KAZN: variants seen among roughly 807,000 people sequenced by gnomAD.
KAZN encodes kazrin, periplakin interacting protein.
KAZN carries 40 observed loss-of-function variants against 87.4 expected under a neutral mutation model. That is an observed-to-expected ratio of 0.46 (90% confidence interval 0.36 to 0.60). KAZN has a LOEUF of 0.60. Among genes scored for constraint, KAZN ranks in the 20% least tolerant of loss-of-function variants. The pLI, the probability that KAZN is intolerant of heterozygous loss-of-function variation, is 0.00. For synonymous variants in KAZN, 466 were observed against 458.3 expected, an observed-to-expected ratio of 1.02 and a Z score of -0.22; for missense variants, 898 against 1,073.9, an observed-to-expected ratio of 0.84 and a Z score of 2.29.
intron 1 of KAZN, among the ~76,000 whole-genome samples, chr1:14,803,364 A>G (rs554297119): frequency 1.3e-5 from 2 of 152,232 alleles, no homozygotes; most frequent in East Asian, 3.9e-4. Context: ...GCCAGACCCG[A>G]CTGTCCCTCC....
intron 2 of KAZN, among the ~76,000 whole-genome samples, chr1:14,498,638 G>A (rs1670079051): frequency 6.6e-6 from 1 of 152,156 alleles, no homozygotes; most frequent in Non-Finnish European, 1.5e-5. Flanking sequence ...GTTGCAGTGA[G>A]CTGAGATCAG....
intron 2 of KAZN, among the ~76,000 whole-genome samples, chr1:15,008,694 C>T (rs1236935822): frequency 6.6e-6 from 1 of 152,160 alleles, no homozygotes; most frequent in Non-Finnish European, 1.5e-5. Flanking sequence ...TAGCTTGTCC[C>T]GTCTGCCTTC....
chr1:14,834,662 AAAC>A, intron 1 of KAZN, among the ~76,000 whole-genome samples: 1 of 152,288 alleles, frequency 6.6e-6, no homozygotes, highest in Non-Finnish European at 1.5e-5. Context: ...CGCCCAGCTG[AAAC>A]AACATCATTT....
At chr1:14,372,420 G>A (rs1020951966) in intron 2 of KAZN, among the ~76,000 whole-genome samples, 1 of 152,184 alleles carries the variant, frequency 6.6e-6, no homozygotes, top group Admixed American at 6.5e-5. Context: ...TCGTGCTAGT[G>A]ACAGGCATTT....
At chr1:14,707,056 A>G (rs990443366) in intron 1 of KAZN, among the ~76,000 whole-genome samples, 1 of 152,188 alleles carries the variant, frequency 6.6e-6, no homozygotes, top group African/African-American at 2.4e-5. Context: ...TCTAAAGTCT[A>G]GTTCTCCTTC....
At chr1:14,990,228 T>G (rs998321802) in intron 2 of KAZN, among the ~76,000 whole-genome samples, 6 of 152,268 alleles carry the variant, frequency 3.9e-5, no homozygotes, top group Admixed American at 6.5e-5. Context: ...TTGTTTGTTT[T>G]TTGTTTTTTT....
At chr1:14,988,093 G>T (rs1055385215) in intron 2 of KAZN, among the ~76,000 whole-genome samples, 1 of 152,206 alleles carries the variant, frequency 6.6e-6, no homozygotes, top group Non-Finnish European at 1.5e-5. Context: ...GGGGTGCAGG[G>T]TGGAAGCAGG....
chr1:13,947,989 T>G (rs1407970192), intron 1 of KAZN, among the ~76,000 whole-genome samples: 1 of 152,154 alleles, frequency 6.6e-6, no homozygotes, highest in African/African-American at 2.4e-5. Flanking sequence ...ATATGAATTT[T>G]GGGGGGATAC....
At chr1:14,495,808 A>T (rs1669910820) in intron 2 of KAZN, among the ~76,000 whole-genome samples, 2 of 152,276 alleles carry the variant, frequency 1.3e-5, no homozygotes, top group South Asian at 4.2e-4. Flanking sequence ...AATTGCCTTC[A>T]GGTCTTGCCA....
chr1:14,505,004 C>A (rs1319810334), intron 2 of KAZN, among the ~76,000 whole-genome samples: 1 of 152,178 alleles, frequency 6.6e-6, no homozygotes. Context: ...GAAGCAAATA[C>A]CACCGAAAAG....
At chr1:14,205,548 C>T (rs1438589387) in intron 2 of KAZN, among the ~76,000 whole-genome samples, 3 of 152,018 alleles carry the variant, frequency 2.0e-5, no homozygotes, top group Non-Finnish European at 2.9e-5. Flanking sequence ...ACAGGATTTT[C>T]TGTATAGCCA....
chr1:14,818,707 C>G (rs1347586385), intron 1 of KAZN, among the ~76,000 whole-genome samples: 1 of 152,188 alleles, frequency 6.6e-6, no homozygotes, highest in African/African-American at 2.4e-5. Context: ...GGATGCATTC[C>G]TTGCAGGTCA....
intron 2 of KAZN, among the ~76,000 whole-genome samples, chr1:14,478,158 A>G (rs10492984): frequency 0.034 from 5,162 of 152,054 alleles, 237 homozygotes; most frequent in East Asian, 0.18. Flanking sequence ...GGACAAGAAA[A>G]ATCCCTAGGA....
At chr1:14,509,745 G>A (rs568878481) in intron 2 of KAZN, among the ~76,000 whole-genome samples, 1 of 152,162 alleles carries the variant, frequency 6.6e-6, no homozygotes, top group South Asian at 2.1e-4. Context: ...GCAAGCAGAT[G>A]AAAAATAAAT....
At chr1:14,965,385 G>T (rs1020333556) in intron 2 of KAZN, among the ~76,000 whole-genome samples, 2 of 152,146 alleles carry the variant, frequency 1.3e-5, no homozygotes, top group African/African-American at 2.4e-5. Flanking sequence ...TAAGCGTGTA[G>T]CCTGGGGGAC....
chr1:13,924,816 C>G (rs1640209709), intron 1 of KAZN, among the ~76,000 whole-genome samples: 1 of 152,172 alleles, frequency 6.6e-6, no homozygotes, highest in Non-Finnish European at 1.5e-5. Flanking sequence ...GTCTGACCAC[C>G]TTGGGCACAT....
chr1:14,354,911 C>G (rs991988325), intron 2 of KAZN, among the ~76,000 whole-genome samples: 6 of 151,968 alleles, frequency 3.9e-5, no homozygotes, highest in African/African-American at 1.5e-4. Flanking sequence ...TTCATAGTAA[C>G]TTTATTCATA....
chr1:15,111,108 C>T (rs777351907), intron 13 of KAZN, among the ~76,000 whole-genome samples: 1 of 152,166 alleles, frequency 6.6e-6, no homozygotes, highest in Non-Finnish European at 1.5e-5. Flanking sequence ...TATGTGGAAG[C>T]CTGTGGAACC....
chr1:13,957,251 A>G (rs1365267071), intron 1 of KAZN, among the ~76,000 whole-genome samples: 1 of 152,186 alleles, frequency 6.6e-6, no homozygotes, highest in Non-Finnish European at 1.5e-5. Flanking sequence ...ATGTGTGGAA[A>G]TGCAAAATAA....
Sources: allele counts gnomAD v4.1 joint callset (sites outside exome capture counted in the v4.1 genomes callset), GRCh38; gene constraint gnomAD v4.1.1; transcripts MANE v1.5; gene names NCBI Gene and HGNC (gene_info 2026-07-23, HGNC 2026-07-21).